Variants in ATP2C1 observed in about 807,000 individuals in gnomAD.
ATP2C1 encodes ATPase secretory pathway Ca2+ transporting 1, also known as calcium-transporting ATPase type 2C member 1.
ATP2C1 carries 31 observed loss-of-function variants against 120.5 expected under a neutral mutation model. The ratio of observed to expected loss-of-function variants is 0.26; its 90% CI spans 0.19 to 0.35. The LOEUF (loss-of-function observed/expected upper bound fraction) is 0.35. ATP2C1 is among the 10% of genes least tolerant of loss of function. The probability of loss-of-function intolerance (pLI) is 1.00; values close to 1 mark genes in which losing one functional copy is unlikely to be tolerated. For missense variants in ATP2C1, 731 were observed against 1,107.5 expected (o/e 0.66, Z 4.83); for synonymous variants, 351 against 358.7 (o/e 0.98, Z 0.24).
rs950972825 is a variant in ATP2C1, at chr3:130,985,175, G to A, written c.1839+4496G>A. On this transcript the variant is annotated intron_variant, in intron 20 of 27. Coordinates refer to ENST00000510168, the MANE Select transcript of ATP2C1 (RefSeq NM_001378687.1). The stretch of plus-strand genomic sequence containing the variant: ...GTCAACATTGTGATCATGCACTTTC[G>A]TGAAGTCAGATTTGCAAAACATGCA... 6.6e-5 allele frequency among the ~76,000 whole-genome samples: 10 copies of A among 152,288 alleles called. No homozygotes were observed. In the South Asian group the frequency reaches 1.7e-3, roughly 25 times the overall value.
intron 20 of ATP2C1, among the ~76,000 whole-genome samples, chr3:130,985,913 A>G (rs183697098): frequency 6.4e-4 from 97 of 152,212 alleles, no homozygotes; most frequent in Non-Finnish European, 1.2e-3. Flanking sequence ...TTGAAATTCT[A>G]TGATTCGATG....
intron 20 of ATP2C1, among the ~76,000 whole-genome samples, chr3:130,989,862 G>T (rs918066123): frequency 6.6e-6 from 1 of 152,144 alleles, no homozygotes; most frequent in Admixed American, 6.5e-5. Context: ...AGTAATTAGA[G>T]TTTTCACTTG....
At chr3:130,903,335 G>A (rs1436126899) in intron 2 of ATP2C1, among the ~76,000 whole-genome samples, 3 of 152,042 alleles carry the variant, frequency 2.0e-5, no homozygotes, top group African/African-American at 7.2e-5. Flanking sequence ...AACCCTATAG[G>A]ATTCAAAGTT....
chr3:130,931,280 T>C (rs967659480), intron 3 of ATP2C1, among the ~76,000 whole-genome samples: 2 of 152,078 alleles, frequency 1.3e-5, no homozygotes, highest in Non-Finnish European at 1.5e-5. Context: ...ATAATTTTAT[T>C]CTTTAATAGT....
At chr3:130,916,817 A>G (rs1388200323) in intron 2 of ATP2C1, among the ~76,000 whole-genome samples, 1 of 152,080 alleles carries the variant, frequency 6.6e-6, no homozygotes, top group African/African-American at 2.4e-5. Flanking sequence ...TTATTGTCCA[A>G]AAACCATACA....
At chr3:130,998,179 T>TCA in intron 25 of ATP2C1, 115 bp from the exon 26 acceptor site, 1 of 761,624 alleles carries the variant, frequency 1.3e-6, no homozygotes, top group Non-Finnish European at 2.3e-6. Context: ...TTTCATGTGT[T>TCA]AGGCTAAAGT....
At chr3:130,915,908 T>C (rs1379254228) in intron 2 of ATP2C1, among the ~76,000 whole-genome samples, 3 of 152,174 alleles carry the variant, frequency 2.0e-5, no homozygotes, top group Admixed American at 1.3e-4. Context: ...TCAGTCCAAA[T>C]CCACTGTCAC....
chr3:130,858,304 C>G (rs1053837774), intron 1 of ATP2C1, among the ~76,000 whole-genome samples: 1 of 152,214 alleles, frequency 6.6e-6, no homozygotes, highest in African/African-American at 2.4e-5. Flanking sequence ...ATCACACCCC[C>G]TGTTCTCTGA....
intron 8 of ATP2C1, among the ~76,000 whole-genome samples, chr3:130,953,076 CGTATGTAT>C (rs10576619): frequency 0.058 from 8,682 of 149,256 alleles, 538 homozygotes; most frequent in African/African-American, 0.16. Context: ...CTCACTTGTT[CGTATGTAT>C]GTATGTATGT....
chr3:130,941,488 A>T (rs1035600697), intron 7 of ATP2C1, 103 bp from the exon 8 acceptor site: 18 of 860,306 alleles, frequency 2.1e-5, no homozygotes, highest in Admixed American at 8.1e-5. Flanking sequence ...CTTGGTTCTT[A>T]TATTTGCCTT....
At chr3:130,877,347 A>T (rs530297369) in intron 1 of ATP2C1, among the ~76,000 whole-genome samples, 1 of 152,224 alleles carries the variant, frequency 6.6e-6, no homozygotes, top group Non-Finnish European at 1.5e-5. Flanking sequence ...CAGAGTGAAC[A>T]GGCAACCTAC....
chr3:131,009,849 A>G (rs767486433), intron 26 of ATP2C1, among the ~76,000 whole-genome samples: 2 of 152,220 alleles, frequency 1.3e-5, no homozygotes, highest in Non-Finnish European at 2.9e-5. Context: ...ATGTGTCATT[A>G]AGACATTACG....
At chr3:130,906,002 A>G (rs535385232) in intron 2 of ATP2C1, among the ~76,000 whole-genome samples, 169 of 152,206 alleles carry the variant, frequency 1.1e-3, no homozygotes, top group Admixed American at 3.5e-3. Context: ...GGAGCCACCT[A>G]CAGTATGAAT....
At chr3:131,007,333 C>T (rs945548179), downstream of ATP2C1, among the ~76,000 whole-genome samples, 8 of 152,178 alleles carry the variant, frequency 5.3e-5, no homozygotes, top group Non-Finnish European at 7.3e-5. Context: ...TCCTGTTTTA[C>T]GCAAATCTGG....
At chr3:130,928,904 A>G (rs1163858902) in intron 2 of ATP2C1, among the ~76,000 whole-genome samples, 2 of 152,170 alleles carry the variant, frequency 1.3e-5, no homozygotes, top group Admixed American at 6.5e-5. Flanking sequence ...TAAGATTTAA[A>G]TCATTTTGGG....
chr3:130,925,054 T>C (rs773997466), intron 2 of ATP2C1, among the ~76,000 whole-genome samples: 1 of 152,198 alleles, frequency 6.6e-6, no homozygotes, highest in Admixed American at 6.5e-5. Flanking sequence ...ATAATTGACC[T>C]TCTAAATTCT....
chr3:130,957,956 T>C (rs748626039), intron 11 of ATP2C1, among the ~76,000 whole-genome samples: 2 of 152,228 alleles, frequency 1.3e-5, no homozygotes, highest in Admixed American at 6.5e-5. Flanking sequence ...GAAGTTATCT[T>C]AGTTATTTTT....
chr3:130,920,392 G>A (rs929171023), intron 2 of ATP2C1, among the ~76,000 whole-genome samples: 1 of 151,814 alleles, frequency 6.6e-6, no homozygotes, highest in Non-Finnish European at 1.5e-5. Flanking sequence ...ATTTTTTTTA[G>A]GTTTTTACAT....
At chr3:131,014,316 AGG>A (rs1384203321) in intron 26 of ATP2C1, 1 of 1,614,024 alleles carries the variant, frequency 6.2e-7, no homozygotes, top group Admixed American at 1.7e-5. Context: ...ACATATGCTC[AGG>A]AGACTTTCTA....
Sources: gnomAD v4.1 joint callset for allele counts (sites outside exome capture counted in the v4.1 genomes callset) on GRCh38, gnomAD v4.1.1 for gene constraint, MANE v1.5 for transcripts, NCBI Gene and HGNC (gene_info 2026-07-23, HGNC 2026-07-21) for gene names.